The following IQGAP2 variants were observed in gnomAD, a reference collection of about 807,000 sequenced individuals.
IQGAP2 encodes the protein ras GTPase-activating-like protein IQGAP2.
In IQGAP2, 173 loss-of-function variants were observed where a neutral mutation model predicts 201.3. That is an observed-to-expected ratio of 0.86 (90% confidence interval 0.76 to 0.98). The LOEUF (loss-of-function observed/expected upper bound fraction) is 0.98, where lower values mean the gene tolerates loss of function less well. Among genes scored for constraint, IQGAP2 ranks in the 50% least tolerant of loss-of-function variants. The pLI is 0.00. For missense variants in IQGAP2, 1,687 were observed against 1,864.8 expected (o/e 0.90, Z 1.76); for synonymous variants, 675 against 673.9 (o/e 1.00, Z -0.03).
At chr5:76,551,526 C>T (rs545846754) in intron 2 of IQGAP2, among the ~76,000 whole-genome samples, 2,511 of 152,074 alleles carry the variant, frequency 0.017, 72 homozygotes, top group African/African-American at 0.057. Flanking sequence ...GAGGTTGTAG[C>T]GAGCCGAGAT....
At chr5:76,566,816 G>A (rs1211925490) in intron 3 of IQGAP2, among the ~76,000 whole-genome samples, 1 of 152,034 alleles carries the variant, frequency 6.6e-6, no homozygotes, top group Non-Finnish European at 1.5e-5. Flanking sequence ...CAGCTGGGTG[G>A]ACAGTGGGAG....
intron 13 of IQGAP2, chr5:76,623,457 G>C (rs956691801): frequency 5.6e-6 from 3 of 536,834 alleles, no homozygotes; most frequent in East Asian, 6.0e-5. Context: ...GCCTCTGAAC[G>C]TGTTACGTTA....
At chr5:76,544,224 A>C (rs1742958565) in intron 2 of IQGAP2, among the ~76,000 whole-genome samples, 1 of 152,180 alleles carries the variant, frequency 6.6e-6, no homozygotes, top group African/African-American at 2.4e-5. Flanking sequence ...TTCTAAGATA[A>C]GAACCTTCAT....
rs7722711 is a variant in IQGAP2 at position 76,611,026 on chromosome 5, T to C, written c.1364T>C (p.Val455Ala). The change falls in exon 13 of 36, where the codon GTA becomes GCA. Residue 455 changes from valine to alanine, a missense_variant. Transcript: ENST00000274364. Reference sequence around the variant, plus strand: ...CTACTTCTTCATTTTCTAGGAGTTGTAGCTGTAGGGTACATCAATGAAGCT... The same window carrying C: ...CTACTTCTTCATTTTCTAGGAGTTGCAGCTGTAGGGTACATCAATGAAGCT... ...AQIQEENDRV[V>A]AVGYINEAID... 105,987 of 1,606,892 alleles carry C rather than the reference T, an allele frequency of 0.066. 4,733 individuals carry two copies. Among genetic ancestry groups the C allele is most frequent in the East Asian group, 0.26 (11,787 of 44,752 alleles).
At chr5:76,641,286 A>G (rs1276084395) in intron 17 of IQGAP2, among the ~76,000 whole-genome samples, 183 bp downstream of exon 17, 1 of 152,226 alleles carries the variant, frequency 6.6e-6, no homozygotes, top group Admixed American at 6.5e-5. Flanking sequence ...TTGATGATGA[A>G]TGACTTAACC....
chr5:76,700,974 C>T, intron 33 of IQGAP2, 102 bp from the exon 34 acceptor site: 1 of 1,222,724 alleles, frequency 8.2e-7, no homozygotes, highest in Non-Finnish European at 1.2e-6. Context: ...GCTCTGAGGG[C>T]CAGGTATGAA....
intron 13 of IQGAP2, among the ~76,000 whole-genome samples, chr5:76,622,170 C>T (rs181983610): frequency 8.1e-4 from 124 of 152,208 alleles, no homozygotes; most frequent in Middle Eastern, 3.4e-3. Context: ...CCTTCAGAGG[C>T]CCCCGTTTTC....
rs149095737 is a variant in IQGAP2 at position 76,623,396 on chromosome 5, A to G, written c.1522-4014A>G. 8.8e-4 allele frequency: 611 copies of G among 692,840 alleles called. 3 individuals carry two copies. The African/African-American group carries it at 9.6e-3, about 11-fold the overall frequency. The allele number at this position is 692,840 out of a possible 1,614,324, so 42.9% of individuals were successfully genotyped here. A position where few individuals can be genotyped will look rare whatever the true frequency, so the allele number is the denominator to read the frequency against. On this transcript the variant is annotated intron_variant, in intron 13 of 35. Coordinates refer to ENST00000274364, the MANE Select transcript of IQGAP2 (RefSeq NM_006633.5). Reference sequence around the variant, plus strand: ...CAGGAAACTTGCCCTGGTCCTCCGCAGGGAAAGGATGTAATCCACTCGATG... The same window carrying G: ...CAGGAAACTTGCCCTGGTCCTCCGCGGGGAAAGGATGTAATCCACTCGATG...
At chr5:76,471,375 A>AAACAAC (rs1554058997) in intron 2 of IQGAP2, among the ~76,000 whole-genome samples, 5 of 125,284 alleles carry the variant, frequency 4.0e-5, no homozygotes, top group Non-Finnish European at 7.3e-5. Flanking sequence ...AAAAAAAAAA[A>AAACAAC]AAAAAAAAAA....
At chr5:76,587,949 C>CAAA (rs768707380) in intron 5 of IQGAP2, among the ~76,000 whole-genome samples, 1 of 90,442 alleles carries the variant, frequency 1.1e-5, no homozygotes, top group African/African-American at 4.0e-5. Context: ...CTGTCTCAAC[C>CAAA]AAAAAAAAAA....
Position 76,611,122 on chromosome 5 carries a change from A to G in IQGAP2, c.1460A>G (p.Asp487Gly), listed in dbSNP as rs998409885. The change falls in exon 13 of 36, where the codon GAC becomes GGC. Residue 487 changes from aspartate to glycine, a missense_variant. Asp to Gly is a moderately conservative substitution (Grantham distance 94). Transcript: ENST00000274364. ...LLPTANISDV[D>G]PAHAQHYQDV... ...CCTACTGCGAATATTAGTGATGTGG[A>G]CCCAGCCCATGCCCAGCACTACCAG... 5 of 1,613,904 alleles carry G rather than the reference A, an allele frequency of 3.1e-6. No individual in the cohort carries two copies. The African/African-American group carries it at 5.3e-5, about 17-fold the overall frequency.
chr5:76,597,225 T>C (rs1747095053), intron 9 of IQGAP2: 1 of 570,910 alleles, frequency 1.8e-6, no homozygotes, highest in Admixed American at 3.0e-5. Flanking sequence ...GCTCCATCAA[T>C]GCTAAGGTTC....
Position 76,403,462 on chromosome 5 carries a change from C to G in IQGAP2, c.-84C>G, listed in dbSNP as rs1422635544. The G allele has an allele frequency of 1.8e-6, 2 of 1,088,132 alleles. No homozygotes were observed. The highest frequency in any genetic ancestry group is 4.3e-5 in the Admixed American group (1 of 23,482). The allele number at this position is 1,088,132 out of a possible 1,614,324, so 67.4% of individuals were successfully genotyped here. On this transcript the variant is annotated 5_prime_UTR_variant, in exon 1 of 36. Coordinates refer to ENST00000274364, the MANE Select transcript of IQGAP2 (RefSeq NM_006633.5). This position sits in a 1 kb window ranked among gnomAD's most constrained non-coding sequence, Gnocchi z 4.8. ...GGCGAGAGGCGGGATCCGAGCGCGC[C>G]GGCGGGGCGCAGAGCCCGCGAGCCT...
intron 13 of IQGAP2, among the ~76,000 whole-genome samples, chr5:76,613,826 C>A (rs556187855): frequency 1.1e-3 from 169 of 152,242 alleles, no homozygotes; most frequent in African/African-American, 3.9e-3. Context: ...TCCCGAGTAG[C>A]AGGGACTACA....
In IQGAP2 at chr5:76,570,623, G is replaced by A. The variant is rs1333613684; in HGVS notation, c.347G>A (p.Trp116Ter). The A allele has an allele frequency of 6.2e-7, 1 of 1,613,910 alleles. No homozygotes were observed. Among genetic ancestry groups the A allele is most frequent in the Non-Finnish European group, 8.5e-7 (1 of 1,179,772 alleles). The change falls in exon 4 of 36, where the codon TGG becomes TAG. Residue 116 changes from tryptophan (W) to a stop codon, truncating the protein, a stop_gained. Coordinates refer to ENST00000274364, the MANE Select transcript of IQGAP2 (RefSeq NM_006633.5). LOFTEE classifies it high-confidence loss of function. ...CGACACACAGATAATACCGTCCAGT[G>A]GTTAAGAGCGATGGAGTCTATTGGT... ...HFRHTDNTVQ[W>*]LRAMESIGLP...
intron 4 of IQGAP2, among the ~76,000 whole-genome samples, chr5:76,574,896 G>T (rs921498941): frequency 6.6e-6 from 1 of 152,164 alleles, no homozygotes; most frequent in African/African-American, 2.4e-5. Context: ...TGGATTAACT[G>T]GCTAAGCTAG....
chr5:76,676,162 A>T (rs1249149144), intron 27 of IQGAP2, among the ~76,000 whole-genome samples: 1 of 151,672 alleles, frequency 6.6e-6, no homozygotes, highest in African/African-American at 2.4e-5. Flanking sequence ...TGAACTTTTA[A>T]CTGCTGTTAT....
intron 18 of IQGAP2, among the ~76,000 whole-genome samples, chr5:76,653,756 C>T (rs542183392): frequency 5.3e-5 from 8 of 152,164 alleles, no homozygotes; most frequent in Admixed American, 5.2e-4. Context: ...CAATTGGTCC[C>T]TCATGAGACC....
At chr5:76,655,077 C>T in intron 20 of IQGAP2, 74 bp downstream of exon 20, 1 of 1,037,266 alleles carries the variant, frequency 9.6e-7, no homozygotes, top group Non-Finnish European at 1.5e-6. Flanking sequence ...CCATATTGGT[C>T]ACTTCAGAGG....
Sources: gnomAD v4.1 joint callset for allele counts (sites outside exome capture counted in the v4.1 genomes callset) on GRCh38, gnomAD v4.1.1 for gene constraint, Gnocchi (gnomAD v3.1) non-coding constraint, MANE v1.5 for transcripts, NCBI Gene and HGNC (gene_info 2026-07-23, HGNC 2026-07-21) for gene names.